The following FSTL5 variants were observed in gnomAD, a reference collection of about 807,000 sequenced individuals.
FSTL5 encodes follistatin like 5, also known as follistatin-related protein 5.
A neutral mutation model predicts 89.1 loss-of-function variants in FSTL5; 62 were observed. The ratio of observed to expected loss-of-function variants is 0.70; its 90% CI spans 0.57 to 0.86. FSTL5 has a LOEUF of 0.86. Among genes scored for constraint, FSTL5 ranks in the 40% least tolerant of loss-of-function variants. The pLI is 0.00. For missense variants in FSTL5, 1,057 were observed against 1,001.6 expected (o/e 1.06, Z -0.75); for synonymous variants, 383 against 346.2 (o/e 1.11, Z -1.18).
intron 2 of FSTL5, among the ~76,000 whole-genome samples, chr4:162,109,006 G>A (rs371323833): frequency 4.6e-5 from 7 of 152,006 alleles, no homozygotes; most frequent in Non-Finnish European, 7.4e-5. Flanking sequence ...AAATGGTGTC[G>A]AGTTTTGTGG....
intron 2 of FSTL5, among the ~76,000 whole-genome samples, chr4:162,102,740 T>G: frequency 1.4e-5 from 2 of 146,638 alleles, no homozygotes; most frequent in Middle Eastern, 3.6e-3. Context: ...TATATTCATA[T>G]ATACACATAT....
intron 4 of FSTL5, among the ~76,000 whole-genome samples, chr4:161,893,424 C>T (rs1733049872): frequency 6.6e-6 from 1 of 152,060 alleles, no homozygotes; most frequent in Non-Finnish European, 1.5e-5. Flanking sequence ...TGTCATCTTA[C>T]CATAATTTTT....
At chr4:161,958,848 T>A (rs1275019163) in intron 3 of FSTL5, among the ~76,000 whole-genome samples, 1 of 152,176 alleles carries the variant, frequency 6.6e-6, no homozygotes, top group Non-Finnish European at 1.5e-5. Flanking sequence ...AAATAATTTC[T>A]GTAGTTGTCT....
At chr4:161,750,500 C>G (rs574673596) in intron 6 of FSTL5, among the ~76,000 whole-genome samples, 6 of 152,020 alleles carry the variant, frequency 3.9e-5, no homozygotes, top group African/African-American at 1.2e-4. Context: ...CCTGATTTTT[C>G]TTTTTTTAAC....
chr4:161,986,775 G>A lies in FSTL5; in HGVS notation c.160+46850C>T, dbSNP rs186210269. On this transcript the variant is annotated intron_variant, in intron 3 of 15. Transcript: ENST00000306100. ...TTAGAGTCAGAGAAGCTAGGAAAGC[G>A]GGTGGCACAGATCACCATGTTTGAC... 2.7e-3 allele frequency among the ~76,000 whole-genome samples: 412 copies of A among 152,184 alleles called. 3 individuals are homozygous for A. Among genetic ancestry groups the A allele is most frequent in the Middle Eastern group, 0.021 (6 of 292 alleles).
chr4:162,103,188 A>T (rs146984933), intron 2 of FSTL5, among the ~76,000 whole-genome samples: 242 of 152,328 alleles, frequency 1.6e-3, no homozygotes, highest in African/African-American at 5.6e-3. Context: ...AAGCAAAGCA[A>T]TTCAGTCCAG....
At chr4:161,906,768 T>C (rs899915354) in intron 4 of FSTL5, among the ~76,000 whole-genome samples, 1 of 152,178 alleles carries the variant, frequency 6.6e-6, no homozygotes, top group African/African-American at 2.4e-5. Context: ...AAGATTTGTA[T>C]TTCTTTCTTC....
chr4:161,476,740 C>A (rs1435413318), intron 13 of FSTL5, among the ~76,000 whole-genome samples: 2 of 152,040 alleles, frequency 1.3e-5, no homozygotes, highest in Non-Finnish European at 2.9e-5. Flanking sequence ...AGACACTAGG[C>A]CTTTAGATGT....
chr4:162,023,468 T>G (rs1025863739), intron 3 of FSTL5, among the ~76,000 whole-genome samples: 3 of 152,182 alleles, frequency 2.0e-5, no homozygotes, highest in Admixed American at 2.0e-4. Flanking sequence ...ACCTCCTGGT[T>G]GTCACTGTCT....
intron 11 of FSTL5, among the ~76,000 whole-genome samples, chr4:161,506,904 C>A (rs1020114143): frequency 4.6e-5 from 7 of 152,028 alleles, no homozygotes; most frequent in African/African-American, 7.2e-5. Flanking sequence ...GTTTCTATAA[C>A]ATATTTTTGT....
At chr4:161,861,224 A>G (rs1301842932) in intron 4 of FSTL5, among the ~76,000 whole-genome samples, 1 of 152,110 alleles carries the variant, frequency 6.6e-6, no homozygotes, top group Non-Finnish European at 1.5e-5. Flanking sequence ...GGAGTTCGAG[A>G]CCAGCCTGGC....
intron 10 of FSTL5, among the ~76,000 whole-genome samples, chr4:161,524,368 T>G (rs1731137126): frequency 6.6e-6 from 1 of 152,010 alleles, no homozygotes; most frequent in Admixed American, 6.6e-5. Context: ...AACCAAGCTA[T>G]ATCCTGACCA....
At chr4:161,684,813 T>C (rs940660441) in intron 6 of FSTL5, among the ~76,000 whole-genome samples, 3 of 151,966 alleles carry the variant, frequency 2.0e-5, no homozygotes, top group African/African-American at 7.2e-5. Flanking sequence ...ATTTGCTTGG[T>C]CATGAAATCC....
intron 12 of FSTL5, among the ~76,000 whole-genome samples, chr4:161,486,573 A>G (rs1171078685): frequency 6.6e-6 from 1 of 152,186 alleles, no homozygotes. Context: ...CTTCTCTACC[A>G]ATCAGGTTCC....
chr4:161,497,792 G>C (rs1420918627), intron 12 of FSTL5, among the ~76,000 whole-genome samples: 1 of 151,970 alleles, frequency 6.6e-6, no homozygotes, highest in African/African-American at 2.4e-5. Flanking sequence ...TTAGTAACTA[G>C]TTATCTCTAC....
intron 4 of FSTL5, among the ~76,000 whole-genome samples, chr4:161,908,298 C>G (rs1733593404): frequency 1.3e-5 from 2 of 151,762 alleles, no homozygotes; most frequent in African/African-American, 4.8e-5. Flanking sequence ...CATGTATTAA[C>G]TAAAAAAAAA....
At position 161,499,161 on chromosome 4, in the gene FSTL5, C is replaced by CT. The variant is rs1730206123; in HGVS notation, c.1458+854_1458+855insA. ...AGGTTGCAGTGAGCCGAGATCACTC[C>CT]ATTGCACTCCAGTCTGGGTGACAGA... On this transcript the variant is annotated intron_variant, in intron 12 of 15. Coordinates refer to ENST00000306100, the MANE Select transcript of FSTL5 (RefSeq NM_020116.5). 2.0e-5 allele frequency among the ~76,000 whole-genome samples: 3 copies of CT among 152,070 alleles called. No individual in the cohort carries two copies. In the South Asian group the frequency reaches 6.2e-4, roughly 32 times the overall value.
intron 4 of FSTL5, among the ~76,000 whole-genome samples, chr4:161,789,846 C>T (rs1226999492): frequency 6.6e-6 from 1 of 152,124 alleles, no homozygotes; most frequent in Non-Finnish European, 1.5e-5. Flanking sequence ...TCTGAATATA[C>T]TTTCAATAAG....
chr4:162,088,928 A>G (rs1446420611), intron 2 of FSTL5, among the ~76,000 whole-genome samples: 1 of 152,134 alleles, frequency 6.6e-6, no homozygotes, highest in Non-Finnish European at 1.5e-5. Flanking sequence ...TCCCTGCAAA[A>G]GCATGTGTAG....
Sources: allele counts gnomAD v4.1 joint callset (sites outside exome capture counted in the v4.1 genomes callset), GRCh38; gene constraint gnomAD v4.1.1; transcripts MANE v1.5; gene names NCBI Gene and HGNC (gene_info 2026-07-23, HGNC 2026-07-21).